WDR64: variants seen among roughly 807,000 people sequenced by gnomAD.
WDR64 encodes WD repeat-containing protein 64.
A neutral mutation model predicts 139.3 loss-of-function variants in WDR64; 112 were observed. The ratio of observed to expected loss-of-function variants is 0.80; its 90% CI spans 0.69 to 0.94. The LOEUF (loss-of-function observed/expected upper bound fraction) is 0.94, where lower values mean the gene tolerates loss of function less well. Ranked by LOEUF, WDR64 falls within the 40% of genes least tolerant of loss-of-function variation. The probability of loss-of-function intolerance (pLI) is 0.00; values close to 1 mark genes in which losing one functional copy is unlikely to be tolerated. For synonymous variants in WDR64, 444 were observed against 437.7 expected (o/e 1.01, Z -0.18); for missense variants, 1,206 against 1,293.1 (o/e 0.93, Z 1.03).
At chr1:241,680,310 TA>T (rs1347182266) in intron 6 of WDR64, among the ~76,000 whole-genome samples, 1 of 152,204 alleles carries the variant, frequency 6.6e-6, no homozygotes, top group Admixed American at 6.5e-5. Flanking sequence ...CTAGCCTTGG[TA>T]AAAAACTAAC....
At chr1:241,669,017 G>A (rs1240146149) in intron 2 of WDR64, among the ~76,000 whole-genome samples, 2 of 152,014 alleles carry the variant, frequency 1.3e-5, no homozygotes, top group African/African-American at 2.4e-5. Context: ...GCTTTCCAAC[G>A]ATAACAATAG....
chr1:241,732,768 T>C (rs908881768), intron 10 of WDR64, among the ~76,000 whole-genome samples: 8 of 151,628 alleles, frequency 5.3e-5, no homozygotes, highest in African/African-American at 1.9e-4. Context: ...TGCAGTGAGC[T>C]GAAATGGTGC....
At chr1:241,750,188 T>C (rs769098995) in intron 14 of WDR64, among the ~76,000 whole-genome samples, 1 of 152,194 alleles carries the variant, frequency 6.6e-6, no homozygotes. Flanking sequence ...TCAGGGCTGT[T>C]TGGGGAGGAT....
intron 13 of WDR64, 55 bp downstream of exon 13, chr1:241,744,571 G>A (rs548680378): frequency 2.7e-5 from 44 of 1,602,428 alleles, no homozygotes; most frequent in South Asian, 2.4e-4. Context: ...GAGAATTTCC[G>A]CCAAAAACTC....
At chr1:241,652,852 C>A (rs1665417030) in intron 1 of WDR64, among the ~76,000 whole-genome samples, 1 of 151,994 alleles carries the variant, frequency 6.6e-6, no homozygotes, top group Non-Finnish European at 1.5e-5. Context: ...TTTTTTACTT[C>A]TCTGAACCGA....
In WDR64 at chr1:241,723,363, G is replaced by T. The variant is rs750736688; in HGVS notation, c.1121G>T (p.Gly374Val). 3.7e-6 allele frequency: 6 copies of T among 1,613,962 alleles called. No homozygotes were observed. The highest frequency in any genetic ancestry group is 5.1e-6 in the Non-Finnish European group (6 of 1,179,956). The change falls in exon 10 of 28, where the codon GGA becomes GTA. Residue 374 changes from glycine to valine, a missense_variant. Transcript: ENST00000437684. ...ISTKPVGKLV[G>V]HMFSIAEIVT... ...ACCAAGCCAGTAGGGAAACTTGTAG[G>T]ACACATGTTCAGTATCGCCGAGATC...
At chr1:241,693,866 C>A (rs564899545) in intron 8 of WDR64, among the ~76,000 whole-genome samples, 2 of 152,238 alleles carry the variant, frequency 1.3e-5, no homozygotes, top group African/African-American at 4.8e-5. Context: ...TGATTTAATT[C>A]CATTCTTAAA....
chr1:241,774,102 G>A (rs1370816567), intron 20 of WDR64, among the ~76,000 whole-genome samples: 1 of 152,198 alleles, frequency 6.6e-6, no homozygotes, highest in Non-Finnish European at 1.5e-5. Flanking sequence ...ATCTTGAGTA[G>A]CCTGAGGGTG....
Position 241,757,418 on chromosome 1 carries a change from G to A in WDR64, c.1906G>A (p.Val636Ile), listed in dbSNP as rs1233923742. 6.2e-7 allele frequency: 1 copy of A among 1,613,480 alleles called. No homozygotes were observed. The highest frequency in any genetic ancestry group is 8.5e-7 in the Non-Finnish European group (1 of 1,179,720). ...DRNMAIPFPD[V>I]ELIVERNFSQ... ...GAACATGGCTATTCCTTTCCCAGATGTCGAGTTGATAGTTGAGAGGAACTT... is the reference window on the plus strand; with the variant it reads ...GAACATGGCTATTCCTTTCCCAGATATCGAGTTGATAGTTGAGAGGAACTT... The change falls in exon 15 of 28, where the codon GTC becomes ATC. Residue 636 changes from valine (V) to isoleucine (I), a missense_variant. Coordinates refer to ENST00000437684, the MANE Select transcript of WDR64 (RefSeq NM_001367482.1).
intron 14 of WDR64, among the ~76,000 whole-genome samples, chr1:241,755,287 T>C (rs1670143423): frequency 6.6e-6 from 1 of 152,238 alleles, no homozygotes; most frequent in Non-Finnish European, 1.5e-5. Context: ...TGGTGTCTCT[T>C]TTTGGTTTTG....
intron 8 of WDR64, among the ~76,000 whole-genome samples, chr1:241,702,288 G>A (rs1667746498): frequency 6.6e-6 from 1 of 150,552 alleles, no homozygotes; most frequent in South Asian, 2.2e-4. Context: ...GACAGAACTG[G>A]TTTCTGTCCT....
intron 21 of WDR64, among the ~76,000 whole-genome samples, chr1:241,776,978 AT>A (rs1658677310): frequency 6.6e-6 from 1 of 152,198 alleles, no homozygotes; most frequent in South Asian, 2.1e-4. Context: ...CCTAGATTCT[AT>A]TAGGCTTCCT....
intron 9 of WDR64, among the ~76,000 whole-genome samples, chr1:241,717,622 A>G (rs1227605857): frequency 1.5e-5 from 1 of 67,722 alleles, no homozygotes; most frequent in Admixed American, 1.5e-4. Context: ...GCAGAAAAGA[A>G]AAAAAAAAGA....
At chr1:241,681,138 T>C (rs964373676) in intron 6 of WDR64, among the ~76,000 whole-genome samples, 5 of 152,068 alleles carry the variant, frequency 3.3e-5, no homozygotes, top group African/African-American at 1.2e-4. Context: ...TTTATTTCCA[T>C]AGGTTTGGGG....
Position 241,763,959 on chromosome 1 carries a change from A to C in WDR64, c.1948-2259A>C, listed in dbSNP as rs536564467. Among the ~76,000 whole-genome samples, 39 of 152,314 alleles carry C rather than the reference A, an allele frequency of 2.6e-4. No individual in the cohort carries two copies. In the South Asian group the frequency reaches 4.1e-3, roughly 16 times the overall value. On this transcript the variant is annotated intron_variant, in intron 15 of 27. Coordinates refer to ENST00000437684, the MANE Select transcript of WDR64 (RefSeq NM_001367482.1). ...ATTGCTGAATTATAGCTAAAGAACT[A>C]TCAGGAGTTAGCTTGGCTCAGATAG...
At chr1:241,770,528 C>A (rs1658387846) in intron 17 of WDR64, 93 bp from the exon 18 acceptor site, 2 of 1,093,986 alleles carry the variant, frequency 1.8e-6, no homozygotes, top group African/African-American at 1.6e-5. Context: ...ATGAAAGAAG[C>A]AATCAGCTGA....
In WDR64 at chr1:241,770,667, A is replaced by G. The variant is rs1658395789; in HGVS notation, c.2230A>G (p.Ser744Gly). Residue 744 changes from serine to glycine, a missense_variant, in exon 18 of 28, where the codon AGC (serine) becomes GGC (glycine). By Grantham distance (56) the Ser-to-Gly change is moderately conservative. Transcript: ENST00000437684. ...ATGTTCTTCATCCCAGTGTGAATCC[A>G]GCAAAGGTCCACAGAGCAGTAAGGT... ...SICSSSQCES[S>G]KGPQSSKGSK... is the part of the protein sequence containing the mutation. The G allele has an allele frequency of 1.9e-6, 3 of 1,551,608 alleles. No individual in the cohort carries two copies. The highest frequency in any genetic ancestry group is 2.6e-6 in the Non-Finnish European group (3 of 1,146,906).
At chr1:241,720,246 T>C (rs919305295) in intron 9 of WDR64, among the ~76,000 whole-genome samples, 1 of 152,182 alleles carries the variant, frequency 6.6e-6, no homozygotes, top group African/African-American at 2.4e-5. Flanking sequence ...CTATTGTGAA[T>C]AGTGTTGCAA....
intron 8 of WDR64, among the ~76,000 whole-genome samples, chr1:241,705,334 G>A (rs957071636): frequency 1.3e-5 from 2 of 151,970 alleles, no homozygotes; most frequent in East Asian, 3.9e-4. Context: ...GAGGTCAGGA[G>A]ATCGAGACCA....
Sources: gnomAD v4.1 joint callset for allele counts (sites outside exome capture counted in the v4.1 genomes callset) on GRCh38, gnomAD v4.1.1 for gene constraint, MANE v1.5 for transcripts, NCBI Gene and HGNC (gene_info 2026-07-23, HGNC 2026-07-21) for gene names.